FGFR2: variants seen among roughly 807,000 people sequenced by gnomAD.
FGFR2 encodes BEK fibroblast growth factor receptor.
FGFR2 carries 19 observed loss-of-function variants against 95.9 expected under a neutral mutation model. The observed-to-expected ratio is 0.20, with a 90% confidence interval of 0.14 to 0.29. FGFR2 has a LOEUF of 0.29. Ranked by LOEUF, FGFR2 falls within the 10% of genes least tolerant of loss-of-function variation. The pLI, the probability that FGFR2 is intolerant of heterozygous loss-of-function variation, is 1.00. For missense variants in FGFR2, 707 were observed against 1,056.9 expected (o/e 0.67, Z 4.59); for synonymous variants, 392 against 393.3 (o/e 1.00, Z 0.04).
intron 2 of FGFR2, among the ~76,000 whole-genome samples, chr10:121,586,639 C>G (rs1002253426): frequency 6.6e-6 from 1 of 152,164 alleles, no homozygotes; most frequent in Non-Finnish European, 1.5e-5. Flanking sequence ...ACCAAAATTA[C>G]TGAAAATCTA....
rs41301041 is a variant in FGFR2 at position 121,598,382 on chromosome 10, G to A, written c.-571C>T. ...GCGGCGCCCGAGCTTTGTGGCGGCCGCGCGCGCTCCCTCGCCCGCTCCGCA... is the reference window on the plus strand; with the variant it reads ...GCGGCGCCCGAGCTTTGTGGCGGCCACGCGCGCTCCCTCGCCCGCTCCGCA... On this transcript the variant is annotated 5_prime_UTR_variant, in exon 1 of 18. Transcript: ENST00000358487. 7 of 165,550 alleles carry A rather than the reference G, an allele frequency of 4.2e-5. No homozygotes were observed. The highest frequency in any genetic ancestry group is 7.7e-5 in the Non-Finnish European group (6 of 77,488). 10.3% of individuals were successfully genotyped at this position (165,550 alleles called of 1,614,324 possible).
chr10:121,596,837 A>G (rs1321465177), intron 1 of FGFR2, among the ~76,000 whole-genome samples: 1 of 152,116 alleles, frequency 6.6e-6, no homozygotes, highest in Non-Finnish European at 1.5e-5. Context: ...AAGAGCTCAG[A>G]GAAATCTGCA....
rs528921243 is a variant in FGFR2, at chr10:121,490,345, G to A, written c.1864-2232C>T. On this transcript the variant is annotated intron_variant, in intron 13 of 17. Transcript: ENST00000358487. ...ACATCAGGCTAATTTTGTATTTTTG[G>A]TAGAGATAGGGTTTCACCATGTTGG... Among the ~76,000 whole-genome samples, 7 of 151,962 alleles carry A rather than the reference G, an allele frequency of 4.6e-5. No individual in the cohort carries two copies. In the East Asian group the frequency reaches 1.4e-3, roughly 29 times the overall value.
At chr10:121,520,357 C>T (rs1051892002) in intron 6 of FGFR2, among the ~76,000 whole-genome samples, 188 bp from the exon 7 acceptor site, 7 of 152,150 alleles carry the variant, frequency 4.6e-5, no homozygotes, top group Non-Finnish European at 1.0e-4. Context: ...ACTGCCGGAG[C>T]GCGACCCTTG....
At chr10:121,594,255 G>C (rs1176186577) in intron 1 of FGFR2, 2 of 376,358 alleles carry the variant, frequency 5.3e-6, no homozygotes, top group Non-Finnish European at 9.8e-6. Flanking sequence ...GGCAATGTGT[G>C]CTCTCTTCTA....
rs60468962 is a variant in FGFR2, at chr10:121,518,152, G to GTA, written c.940-691_940-690dup. ...AACCTTTTGCCTTTAGTAGCGTCCA[G>GTA]TAGTACATTCATTAAGATGAGCTCC... On this transcript the variant is annotated intron_variant, in intron 7 of 17. Coordinates refer to ENST00000358487, the MANE Select transcript of FGFR2 (RefSeq NM_000141.5). This position sits in a 1 kb window ranked among gnomAD's most constrained non-coding sequence, Gnocchi z 4.0. The GTA allele has an allele frequency of 0.31, 111,957 of 361,960 alleles. 18,053 individuals are homozygous for GTA. Among genetic ancestry groups the GTA allele is most frequent in the Non-Finnish European group, 0.34 (65,359 of 190,064 alleles). 22.4% of individuals were successfully genotyped at this position (361,960 alleles called of 1,614,324 possible).
chr10:121,583,115 T>G (rs939842818), intron 2 of FGFR2, among the ~76,000 whole-genome samples: 8 of 152,212 alleles, frequency 5.3e-5, no homozygotes, highest in Non-Finnish European at 1.0e-4. Context: ...CTTGGAATTT[T>G]TTCTTTTTTG....
chr10:121,541,679 G>A (rs943208448), intron 5 of FGFR2, among the ~76,000 whole-genome samples: 27 of 152,236 alleles, frequency 1.8e-4, no homozygotes, highest in African/African-American at 4.6e-4. Flanking sequence ...CCTCATTAAC[G>A]ATCCGGGAAA....
intron 6 of FGFR2, among the ~76,000 whole-genome samples, chr10:121,534,170 C>T (rs1249431406): frequency 6.9e-6 from 1 of 144,620 alleles, no homozygotes; most frequent in Non-Finnish European, 1.5e-5. Context: ...ACAATCTCAG[C>T]TCACTGCAAC....
intron 14 of FGFR2, 34 bp downstream of exon 14, chr10:121,487,957 G>A (rs767548450): frequency 1.7e-5 from 27 of 1,612,904 alleles, no homozygotes; most frequent in East Asian, 6.7e-5. Context: ...CCTCACCCCC[G>A]CCCCTGCCCA....
intron 8 of FGFR2, among the ~76,000 whole-genome samples, chr10:121,515,818 G>GAAACT (rs1446564642): frequency 6.7e-6 from 1 of 149,640 alleles, no homozygotes. Context: ...AATTCCATAT[G>GAAACT]AAACTGATGT....
chr10:121,594,361 G>T (rs1863136992), intron 1 of FGFR2, among the ~76,000 whole-genome samples: 1 of 152,186 alleles, frequency 6.6e-6, no homozygotes, highest in Non-Finnish European at 1.5e-5. Context: ...TGCTCGGGTT[G>T]GCATAACCAA....
At chr10:121,580,175 G>A (rs1465777617) in intron 2 of FGFR2, among the ~76,000 whole-genome samples, 1 of 152,182 alleles carries the variant, frequency 6.6e-6, no homozygotes, top group Non-Finnish European at 1.5e-5. Flanking sequence ...GAAAAGGGAA[G>A]GTTAAGAGTT....
chr10:121,524,328 T>G (rs1851025382), intron 6 of FGFR2, among the ~76,000 whole-genome samples: 1 of 152,206 alleles, frequency 6.6e-6, no homozygotes, highest in African/African-American at 2.4e-5. Flanking sequence ...CAAGCAGGAT[T>G]GTTCTGTAAT....
In FGFR2 at chr10:121,559,179, G is replaced by C. The variant is rs559759398; in HGVS notation, c.454+5323C>G. Reference sequence around the variant, plus strand: ...TCACCATCAACACAGGGTCACTGGAGCATCATTTGTCAAAGTTCCTAAAGA... The same window carrying C: ...TCACCATCAACACAGGGTCACTGGACCATCATTTGTCAAAGTTCCTAAAGA... On this transcript the variant is annotated intron_variant, in intron 4 of 17. Transcript: ENST00000358487. 9.4e-5 allele frequency among the ~76,000 whole-genome samples: 14 copies of C among 148,876 alleles called. No individual in the cohort carries two copies. In the East Asian group the frequency reaches 2.8e-3, roughly 29 times the overall value.
intron 10 of FGFR2, among the ~76,000 whole-genome samples, chr10:121,501,795 T>C (rs2981459): frequency 6.6e-6 from 1 of 152,156 alleles, no homozygotes; most frequent in East Asian, 1.9e-4. Flanking sequence ...TGTGCTATGC[T>C]GAGGTCATTT....
In FGFR2 at chr10:121,589,670, G is replaced by A. The variant is rs539684436; in HGVS notation, c.109+4039C>T. Among the ~76,000 whole-genome samples, 243 of 152,282 alleles carry A rather than the reference G, an allele frequency of 1.6e-3. 2 individuals are homozygous for A. The highest frequency in any genetic ancestry group is 5.3e-3 in the African/African-American group (220 of 41,552). On this transcript the variant is annotated intron_variant, in intron 2 of 17. Transcript: ENST00000358487. ...GGCTTGCCAGATTTCTGCTCTATAA[G>A]TAATATTAAACATGGCTCTTGGTCT...
chr10:121,513,556 T>C (rs1024719208), intron 9 of FGFR2, among the ~76,000 whole-genome samples: 3 of 152,186 alleles, frequency 2.0e-5, no homozygotes, highest in African/African-American at 7.2e-5. Flanking sequence ...GAAGTTACCA[T>C]TTTTCCCTAT....
intron 6 of FGFR2, among the ~76,000 whole-genome samples, chr10:121,523,732 G>A (rs75130598): frequency 0.013 from 2,038 of 152,226 alleles, 49 homozygotes; most frequent in African/African-American, 0.046. Context: ...GTGTGGGTGC[G>A]TTTTAAGATA....
Sources: allele counts gnomAD v4.1 joint callset (sites outside exome capture counted in the v4.1 genomes callset), GRCh38; gene constraint gnomAD v4.1.1; non-coding constraint Gnocchi (gnomAD v3.1); transcripts MANE v1.5; gene names NCBI Gene and HGNC (gene_info 2026-07-23, HGNC 2026-07-21).